CDK13: variants seen among roughly 807,000 people sequenced by gnomAD.
The protein encoded by CDK13 is cyclin-dependent kinase 13.
Under a neutral mutation model 137.6 loss-of-function variants are expected in CDK13, and 40 were observed. That is an observed-to-expected ratio of 0.29 (90% CI 0.23 to 0.38). The LOEUF (loss-of-function observed/expected upper bound fraction) is 0.38. CDK13 is among the 10% of genes least tolerant of loss of function. The pLI is 1.00. For missense variants in CDK13, 1,704 were observed against 1,951.8 expected (o/e 0.87, Z 2.39); for synonymous variants, 869 against 760.1 (o/e 1.14, Z -2.36).
At chr7:40,069,710 T>C (rs1038451237) in intron 9 of CDK13, 1 of 153,368 alleles carries the variant, frequency 6.5e-6, no homozygotes, top group Non-Finnish European at 1.5e-5. Flanking sequence ...AGTTATTTTA[T>C]TTATAATTTG....
intron 1 of CDK13, among the ~76,000 whole-genome samples, chr7:39,959,547 A>G (rs192537166): frequency 1.0e-4 from 15 of 147,914 alleles, no homozygotes; most frequent in African/African-American, 3.3e-4. Context: ...GCTCACTGCA[A>G]CCTCCACCTC....
chr7:40,064,187 G>A (rs1786221891), intron 9 of CDK13, among the ~76,000 whole-genome samples: 1 of 151,392 alleles, frequency 6.6e-6, no homozygotes, highest in South Asian at 2.1e-4. Flanking sequence ...GGGAGGCTGA[G>A]GCAGGAGAAT....
chr7:40,051,506 C>T (rs1785887320), intron 7 of CDK13, among the ~76,000 whole-genome samples: 1 of 152,044 alleles, frequency 6.6e-6, no homozygotes, highest in Admixed American at 6.6e-5. Context: ...AACAGAGAGC[C>T]AGGTAGGGCC....
chr7:40,051,351 A>T (rs4720347), intron 7 of CDK13, among the ~76,000 whole-genome samples: 35,484 of 151,794 alleles, frequency 0.23, 7,305 homozygotes, highest in African/African-American at 0.54. Context: ...TAAAATACAT[A>T]TGTTGCTCTA....
intron 7 of CDK13, among the ~76,000 whole-genome samples, chr7:40,054,618 A>T (rs951276727): frequency 1.3e-5 from 2 of 152,074 alleles, no homozygotes; most frequent in Non-Finnish European, 2.9e-5. Context: ...TTTAGTAGAG[A>T]TGGGATTTCA....
At chr7:39,994,964 C>T (rs932012976) in intron 2 of CDK13, among the ~76,000 whole-genome samples, 2 of 150,634 alleles carry the variant, frequency 1.3e-5, no homozygotes, top group African/African-American at 4.9e-5. Flanking sequence ...AAATCTAATA[C>T]AGTCATAATT....
chr7:40,026,173 T>G (rs565987716), intron 5 of CDK13, among the ~76,000 whole-genome samples: 4 of 152,352 alleles, frequency 2.6e-5, no homozygotes, highest in African/African-American at 9.6e-5. Context: ...AGAACAAAAG[T>G]ACCTCACCGT....
At chr7:40,063,507 A>T (rs897239198) in intron 9 of CDK13, among the ~76,000 whole-genome samples, 16 of 152,150 alleles carry the variant, frequency 1.1e-4, no homozygotes, top group Non-Finnish European at 2.2e-4. Context: ...ACACATAAAA[A>T]TATGTGTCTA....
intron 5 of CDK13, among the ~76,000 whole-genome samples, chr7:40,043,058 G>T (rs898542342): frequency 6.6e-6 from 1 of 152,160 alleles, no homozygotes; most frequent in African/African-American, 2.4e-5. Context: ...GATTACTGGC[G>T]TGAGCTACCA....
chr7:40,005,258 G>A (rs1784773578), intron 5 of CDK13, among the ~76,000 whole-genome samples: 2 of 149,726 alleles, frequency 1.3e-5, no homozygotes, highest in South Asian at 4.2e-4. Context: ...TAATCACGAA[G>A]GTTATTAATT....
chr7:40,017,894 C>T (rs1785034810), intron 5 of CDK13, among the ~76,000 whole-genome samples: 1 of 151,040 alleles, frequency 6.6e-6, no homozygotes, highest in African/African-American at 2.4e-5. Flanking sequence ...CAGTGTTCTG[C>T]CATCTTTAGC....
At chr7:39,968,065 C>A (rs533718500) in intron 1 of CDK13, among the ~76,000 whole-genome samples, 2 of 152,120 alleles carry the variant, frequency 1.3e-5, no homozygotes, top group African/African-American at 2.4e-5. Flanking sequence ...TATTTAGGTC[C>A]TTTGCCCGTT....
chr7:40,098,415 T>G lies in CDK13; in HGVS notation c.*3435T>G, dbSNP rs922703821. On this transcript the variant is annotated 3_prime_UTR_variant, in exon 14 of 14. Coordinates refer to ENST00000181839, the MANE Select transcript of CDK13 (RefSeq NM_003718.5). Reference sequence around the variant, plus strand: ...TTTTTTAGGGGAAGGGGACTTGCTTTCTTTTCCAAAAAGGTGAATCCTTCT... The same window carrying G: ...TTTTTTAGGGGAAGGGGACTTGCTTGCTTTTCCAAAAAGGTGAATCCTTCT... 4 of 152,012 alleles carry G rather than the reference T, an allele frequency of 2.6e-5. No individual in the cohort carries two copies. The highest frequency in any genetic ancestry group is 7.2e-5 in the African/African-American group (3 of 41,426). The allele number at this position is 152,012 out of a possible 1,614,324, so 9.4% of individuals were successfully genotyped here. A position where few individuals can be genotyped will look rare whatever the true frequency, so the allele number is the denominator to read the frequency against.
At chr7:39,957,132 T>TG (rs1787432278) in intron 1 of CDK13, among the ~76,000 whole-genome samples, 5 of 144,794 alleles carry the variant, frequency 3.5e-5, no homozygotes, top group African/African-American at 1.0e-4. Context: ...TGTGTGTGTG[T>TG]TTTGGTAGAG....
At chr7:40,067,755 G>T (rs1369774892) in intron 9 of CDK13, 2 of 151,420 alleles carry the variant, frequency 1.3e-5, no homozygotes, top group African/African-American at 4.9e-5. Flanking sequence ...CTGAAACCAT[G>T]CCTGGCCAAC....
At chr7:40,062,243 G>A (rs1786163521) in intron 7 of CDK13, 1 of 152,288 alleles carries the variant, frequency 6.6e-6, no homozygotes, top group African/African-American at 2.4e-5. Context: ...CAATTGAGTT[G>A]ATACTAAAGC....
intron 4 of CDK13, among the ~76,000 whole-genome samples, chr7:40,000,990 A>G (rs1230087206): frequency 6.6e-6 from 1 of 152,130 alleles, no homozygotes; most frequent in African/African-American, 2.4e-5. Context: ...GGAAGAACAT[A>G]TATTTTTGAG....
At chr7:40,062,601 T>A (rs1410035424) in intron 7 of CDK13, 3 of 469,202 alleles carry the variant, frequency 6.4e-6, no homozygotes, top group Non-Finnish European at 1.1e-5. Context: ...TACTTTTTGT[T>A]TTTATCTTCA....
At chr7:40,064,049 C>T (rs140264321) in intron 9 of CDK13, among the ~76,000 whole-genome samples, 5,963 of 152,060 alleles carry the variant, frequency 0.039, 343 homozygotes, top group African/African-American at 0.13. Flanking sequence ...CTTTGGGAGG[C>T]CTAGGTGGGT....
Sources: allele counts gnomAD v4.1 joint callset (sites outside exome capture counted in the v4.1 genomes callset), GRCh38; gene constraint gnomAD v4.1.1; transcripts MANE v1.5; gene names NCBI Gene and HGNC (gene_info 2026-07-23, HGNC 2026-07-21).